Variants in PRKCI observed in about 807,000 individuals in gnomAD.
The protein encoded by PRKCI is protein kinase C iota type.
In PRKCI, 43 loss-of-function variants were observed where a neutral mutation model predicts 84.0. The observed-to-expected ratio is 0.51, with a 90% CI of 0.40 to 0.66. PRKCI has a LOEUF of 0.66. PRKCI is among the 30% of genes least tolerant of loss of function. The pLI is 0.00. For synonymous variants in PRKCI, 216 were observed against 234.4 expected, an observed-to-expected ratio of 0.92 and a Z score of 0.72; for missense variants, 459 against 745.6, an observed-to-expected ratio of 0.62 and a Z score of 4.48.
At position 170,297,369 on chromosome 3, in the gene PRKCI, C is replaced by G; in HGVS notation, c.1563C>G (p.Phe521Leu). 2 of 1,613,158 alleles carry G rather than the reference C, an allele frequency of 1.2e-6. No homozygotes were observed. The highest frequency in any genetic ancestry group is 1.7e-6 in the Non-Finnish European group (2 of 1,179,372). The change falls in exon 16 of 18, where the codon TTC (phenylalanine) becomes TTG (leucine). Residue 521 changes from phenylalanine to leucine, a missense_variant. Physicochemically the swap from Phe to Leu is conservative, Grantham distance 22. Coordinates refer to ENST00000295797, the MANE Select transcript of PRKCI (RefSeq NM_002740.6). ...TTGCTGATATTCAGGGACACCCGTT[C>G]TTCCGAAATGTTGATTGGGATATGG... is the stretch of plus-strand genomic sequence containing the variant. ...TGFADIQGHP[F>L]FRNVDWDMME...
chr3:170,302,410 C>T (rs1734843905), intron 17 of PRKCI, among the ~76,000 whole-genome samples: 1 of 152,178 alleles, frequency 6.6e-6, no homozygotes, highest in African/African-American at 2.4e-5. Context: ...GAATTACCTC[C>T]CTTCCTTGAA....
At chr3:170,282,097 G>A (rs570636220) in intron 11 of PRKCI, 129 bp downstream of exon 11, 1 of 920,300 alleles carries the variant, frequency 1.1e-6, no homozygotes, top group South Asian at 2.2e-5. Context: ...TCATGCAGAG[G>A]CTGAGCTAAA....
At chr3:170,257,554 T>A (rs913972805) in intron 2 of PRKCI, among the ~76,000 whole-genome samples, 1 of 152,242 alleles carries the variant, frequency 6.6e-6, no homozygotes, top group Non-Finnish European at 1.5e-5. Context: ...CCCTGCCCCT[T>A]TTCCTTTCTC....
Position 170,305,448 on chromosome 3 carries a change from C to T in PRKCI, c.*2321C>T, listed in dbSNP as rs1481345234. 6.6e-6 allele frequency: 1 copy of T among 152,570 alleles called. No individual in the cohort carries two copies. Among genetic ancestry groups the T allele is most frequent in the Non-Finnish European group, 1.5e-5 (1 of 68,034 alleles). The allele number at this position is 152,570 out of a possible 1,614,324, so 9.5% of individuals were successfully genotyped here. A position where few individuals can be genotyped will look rare whatever the true frequency, so the allele number is the denominator to read the frequency against. Reference sequence around the variant, plus strand: ...AATCTTTAAGTTAGGTATCTACCTTCCCACCAGCCCCCCAAAAAACCTCTC... The same window carrying T: ...AATCTTTAAGTTAGGTATCTACCTTTCCACCAGCCCCCCAAAAAACCTCTC... On this transcript the variant is annotated 3_prime_UTR_variant, in exon 18 of 18. Transcript: ENST00000295797.
chr3:170,262,817 CTTTT>C (rs1383598868), intron 3 of PRKCI, among the ~76,000 whole-genome samples: 1 of 146,540 alleles, frequency 6.8e-6, no homozygotes, highest in Non-Finnish European at 1.5e-5. Flanking sequence ...TTCATAAGAA[CTTTT>C]TTCTTTCTTT....
At chr3:170,283,730 A>G (rs1452605354) in intron 11 of PRKCI, among the ~76,000 whole-genome samples, 1 of 152,220 alleles carries the variant, frequency 6.6e-6, no homozygotes. Context: ...ACTAAAGCCC[A>G]GGACAAGGGC....
chr3:170,268,054 C>A, intron 5 of PRKCI, 54 bp downstream of exon 5: 1 of 1,406,866 alleles, frequency 7.1e-7, no homozygotes. Flanking sequence ...TTTTCCCTTT[C>A]TACTATGAAA....
At chr3:170,258,596 T>C (rs1418176734) in intron 2 of PRKCI, among the ~76,000 whole-genome samples, 1 of 152,144 alleles carries the variant, frequency 6.6e-6, no homozygotes, top group African/African-American at 2.4e-5. Context: ...ACACCTGGCC[T>C]GAATGACTTT....
chr3:170,278,193 ATCT>A (rs1560180554), intron 8 of PRKCI, among the ~76,000 whole-genome samples: 2 of 151,964 alleles, frequency 1.3e-5, no homozygotes, highest in Non-Finnish European at 2.9e-5. Flanking sequence ...AGTTAACTCT[ATCT>A]TTTTTGCTCC....
At chr3:170,265,188 C>CAA (rs71634708) in intron 4 of PRKCI, among the ~76,000 whole-genome samples, 6 of 116,446 alleles carry the variant, frequency 5.2e-5, no homozygotes, top group Admixed American at 1.8e-4. Context: ...GACTCTGTCT[C>CAA]AAAAAAAAAA....
intron 9 of PRKCI, among the ~76,000 whole-genome samples, chr3:170,280,791 T>C (rs1381828358): frequency 6.6e-6 from 1 of 152,202 alleles, no homozygotes; most frequent in African/African-American, 2.4e-5. Context: ...TTGTGCTTTA[T>C]TATCTCATTC....
chr3:170,256,261 A>G (rs1224799933), intron 2 of PRKCI, among the ~76,000 whole-genome samples: 2 of 152,134 alleles, frequency 1.3e-5, no homozygotes, highest in Middle Eastern at 3.2e-3. Context: ...TAGGATTGGT[A>G]TTAGTTTTTC....
chr3:170,284,424 G>T, intron 11 of PRKCI, 37 bp from the exon 12 acceptor site: 3 of 1,480,138 alleles, frequency 2.0e-6, no homozygotes, highest in South Asian at 1.2e-5. Context: ...ACTTAAATAT[G>T]GTTGAATCAA....
intron 2 of PRKCI, 149 bp downstream of exon 2, chr3:170,235,500 A>G: frequency 1.2e-6 from 1 of 815,268 alleles, no homozygotes; most frequent in Non-Finnish European, 1.9e-6. Flanking sequence ...AGTATTTAAA[A>G]GAATACTGAA....
chr3:170,231,553 G>A (rs779646884), intron 1 of PRKCI, among the ~76,000 whole-genome samples: 12 of 151,756 alleles, frequency 7.9e-5, no homozygotes, highest in South Asian at 6.2e-4. Flanking sequence ...CAACCTCCGC[G>A]TCCCAAGTTC....
At chr3:170,238,921 G>A (rs1250425855) in intron 2 of PRKCI, among the ~76,000 whole-genome samples, 1 of 152,004 alleles carries the variant, frequency 6.6e-6, no homozygotes, top group African/African-American at 2.4e-5. Context: ...TAATACAGAG[G>A]CTGGGTTCTC....
chr3:170,261,127 ATTT>A (rs982994574), intron 3 of PRKCI, among the ~76,000 whole-genome samples: 1 of 134,624 alleles, frequency 7.4e-6, no homozygotes. Context: ...TGACTGGCTA[ATTT>A]TTTTTTTTTT....
At chr3:170,296,055 A>T (rs1401496929) in intron 15 of PRKCI, 65 bp downstream of exon 15, 4 of 943,650 alleles carry the variant, frequency 4.2e-6, no homozygotes, top group Non-Finnish European at 6.0e-6. Context: ...ACTGGTCAGT[A>T]GCGGTTTGGG....
At chr3:170,279,062 T>G (rs563565565) in intron 8 of PRKCI, among the ~76,000 whole-genome samples, 1 of 152,132 alleles carries the variant, frequency 6.6e-6, no homozygotes, top group Non-Finnish European at 1.5e-5. Flanking sequence ...GGGTCTCACT[T>G]TGTGATGCAG....
Sources: gnomAD v4.1 joint callset for allele counts (sites outside exome capture counted in the v4.1 genomes callset) on GRCh38, gnomAD v4.1.1 for gene constraint, MANE v1.5 for transcripts, NCBI Gene and HGNC (gene_info 2026-07-23, HGNC 2026-07-21) for gene names.